SLC9A9: variants seen among roughly 807,000 people sequenced by gnomAD.
SLC9A9 encodes the protein solute carrier family 9 member A9, also known as sodium/hydrogen exchanger 9.
Under a neutral mutation model 77.8 loss-of-function variants are expected in SLC9A9, and 62 were observed. The ratio of observed to expected loss-of-function variants is 0.80; its 90% CI spans 0.65 to 0.98. SLC9A9 has a LOEUF of 0.98. Ranked by LOEUF, SLC9A9 falls within the 50% of genes least tolerant of loss-of-function variation. The pLI is 0.00. For missense variants in SLC9A9, 775 were observed against 774.9 expected, an observed-to-expected ratio of 1.00 and a Z score of 0.00; for synonymous variants, 320 against 283.5, an observed-to-expected ratio of 1.13 and a Z score of -1.29.
At chr3:143,760,382 A>G (rs1369150048) in intron 4 of SLC9A9, among the ~76,000 whole-genome samples, 1 of 152,174 alleles carries the variant, frequency 6.6e-6, no homozygotes, top group African/African-American at 2.4e-5. Context: ...AGGGTATTCA[A>G]TTAGGAAAAG....
chr3:143,474,981 CAG>C (rs2035447949), intron 11 of SLC9A9, among the ~76,000 whole-genome samples: 1 of 140,160 alleles, frequency 7.1e-6, no homozygotes, highest in East Asian at 2.1e-4. Context: ...TTTTTTGAGA[CAG>C]AGTCTTGCTC....
At chr3:143,473,694 T>C (rs2035416309) in intron 11 of SLC9A9, among the ~76,000 whole-genome samples, 1 of 152,222 alleles carries the variant, frequency 6.6e-6, no homozygotes, top group Admixed American at 6.5e-5. Context: ...AATGAATCAG[T>C]ACTTTAATGT....
At chr3:143,369,363 G>T (rs1314714128) in intron 13 of SLC9A9, among the ~76,000 whole-genome samples, 1 of 152,148 alleles carries the variant, frequency 6.6e-6, no homozygotes, top group Non-Finnish European at 1.5e-5. Flanking sequence ...GTGAGGGGAG[G>T]ATAGAGAGAG....
At chr3:143,646,488 T>C (rs1242078) in intron 6 of SLC9A9, among the ~76,000 whole-genome samples, 4,667 of 150,008 alleles carry the variant, frequency 0.031, 104 homozygotes, top group Middle Eastern at 0.092. Context: ...TTAAATTTCC[T>C]GTTTACTTAA....
intron 12 of SLC9A9, among the ~76,000 whole-genome samples, chr3:143,440,302 A>G (rs2034705842): frequency 6.6e-6 from 1 of 152,164 alleles, no homozygotes. Flanking sequence ...TTTAATCTCC[A>G]CTGTGCTAAT....
intron 11 of SLC9A9, among the ~76,000 whole-genome samples, chr3:143,468,174 A>C (rs2035317598): frequency 6.6e-6 from 1 of 152,196 alleles, no homozygotes; most frequent in Non-Finnish European, 1.5e-5. Flanking sequence ...CATTTCCCTG[A>C]GATATATGCC....
chr3:143,522,086 A>G (rs2036310240), intron 9 of SLC9A9, among the ~76,000 whole-genome samples: 1 of 152,108 alleles, frequency 6.6e-6, no homozygotes, highest in African/African-American at 2.4e-5. Context: ...TCTGTTTGAA[A>G]TTGATTTTTC....
At chr3:143,460,106 TTC>T (rs2035164096) in intron 12 of SLC9A9, among the ~76,000 whole-genome samples, 1 of 152,156 alleles carries the variant, frequency 6.6e-6, no homozygotes, top group Admixed American at 6.5e-5. Context: ...TCTTGTAGCT[TTC>T]TCTCTCTTTC....
At chr3:143,413,246 G>A (rs2034130534) in intron 12 of SLC9A9, among the ~76,000 whole-genome samples, 1 of 152,162 alleles carries the variant, frequency 6.6e-6, no homozygotes, top group South Asian at 2.1e-4. Flanking sequence ...CCAGCCCAGA[G>A]GTGTGTGCTT....
intron 14 of SLC9A9, among the ~76,000 whole-genome samples, chr3:143,317,669 T>C (rs980714253): frequency 2.7e-4 from 11 of 40,560 alleles, no homozygotes; most frequent in African/African-American, 1.6e-3. Context: ...TTTCTCAGGT[T>C]TGAAATGTTC....
chr3:143,570,888 T>G (rs1374356617), intron 8 of SLC9A9, among the ~76,000 whole-genome samples: 1 of 152,222 alleles, frequency 6.6e-6, no homozygotes, highest in Non-Finnish European at 1.5e-5. Flanking sequence ...ATTTATTTCC[T>G]TCTGTAAATC....
chr3:143,628,095 T>C (rs930964941), intron 6 of SLC9A9, among the ~76,000 whole-genome samples: 1 of 152,202 alleles, frequency 6.6e-6, no homozygotes. Context: ...TCACTGTAAC[T>C]GCTGGGAAGG....
Position 143,265,876 on chromosome 3 carries a change from C to T in SLC9A9, c.*826G>A, listed in dbSNP as rs946651000. On this transcript the variant is annotated 3_prime_UTR_variant, in exon 16 of 16. Coordinates refer to ENST00000316549, the MANE Select transcript of SLC9A9 (RefSeq NM_173653.4). ...ACACAGGCTGCAGAATCCTACCCTC[C>T]AGCATATCGCGGGGAGGGGGGGACC... 4 of 605,566 alleles carry T rather than the reference C, an allele frequency of 6.6e-6. No individual in the cohort carries two copies. The highest frequency in any genetic ancestry group is 2.8e-5 in the Admixed American group (1 of 35,936). The allele number at this position is 605,566 out of a possible 1,614,324, so 37.5% of individuals were successfully genotyped here.
chr3:143,278,584 A>G (rs1361988148), intron 14 of SLC9A9, among the ~76,000 whole-genome samples: 1 of 152,208 alleles, frequency 6.6e-6, no homozygotes, highest in East Asian at 1.9e-4. Flanking sequence ...TGGTAGACGC[A>G]TCGCTCCAAT....
chr3:143,759,299 A>G lies in SLC9A9; in HGVS notation c.533+35702T>C, dbSNP rs115977802. On this transcript the variant is annotated intron_variant, in intron 4 of 15. Coordinates refer to ENST00000316549, the MANE Select transcript of SLC9A9 (RefSeq NM_173653.4). ...CCCTCCCCAGATCAGAGTTGTTCAA[A>G]TCAAGATGGGCACATGGCCCCAAGT... Among the ~76,000 whole-genome samples, 257 of 152,258 alleles carry G rather than the reference A, an allele frequency of 1.7e-3. 1 individual carries two copies. The highest frequency in any genetic ancestry group is 6.0e-3 in the African/African-American group (249 of 41,560).
At chr3:143,686,839 T>C (rs1346771291) in intron 5 of SLC9A9, among the ~76,000 whole-genome samples, 2 of 152,174 alleles carry the variant, frequency 1.3e-5, no homozygotes, top group African/African-American at 4.8e-5. Flanking sequence ...TATTTCCAGC[T>C]GTTTGGGCTT....
At chr3:143,821,021 A>G (rs1025511852) in intron 2 of SLC9A9, among the ~76,000 whole-genome samples, 9 of 152,090 alleles carry the variant, frequency 5.9e-5, no homozygotes, top group Non-Finnish European at 1.3e-4. Flanking sequence ...GGGAAGCTGG[A>G]CTGGGAAGGG....
chr3:143,279,105 A>G (rs1382661858), intron 14 of SLC9A9, among the ~76,000 whole-genome samples: 1 of 152,194 alleles, frequency 6.6e-6, no homozygotes, highest in Non-Finnish European at 1.5e-5. Context: ...CAACCATCCC[A>G]AGTCAATTTA....
chr3:143,756,217 C>T (rs1407650154), intron 4 of SLC9A9, among the ~76,000 whole-genome samples: 2 of 152,124 alleles, frequency 1.3e-5, no homozygotes, highest in African/African-American at 2.4e-5. Context: ...GGTCACAAAA[C>T]ATGAAGGCCA....
Sources: allele counts gnomAD v4.1 joint callset (sites outside exome capture counted in the v4.1 genomes callset), GRCh38; gene constraint gnomAD v4.1.1; transcripts MANE v1.5; gene names NCBI Gene and HGNC (gene_info 2026-07-23, HGNC 2026-07-21).